Variants in CTTNBP2NL observed in about 807,000 individuals in gnomAD.
The protein encoded by CTTNBP2NL is CTTNBP2 N-terminal-like protein.
CTTNBP2NL carries 16 observed loss-of-function variants against 32.5 expected under a neutral mutation model. The observed-to-expected ratio is 0.49, with a 90% confidence interval of 0.33 to 0.75. CTTNBP2NL has a LOEUF of 0.75. CTTNBP2NL is among the 30% of genes least tolerant of loss of function. The pLI is 0.02. For synonymous variants in CTTNBP2NL, 298 were observed against 289.4 expected, an observed-to-expected ratio of 1.03 and a Z score of -0.30; for missense variants, 645 against 756.0, an observed-to-expected ratio of 0.85 and a Z score of 1.72.
chr1:112,429,938 T>C (rs1219326273), intron 3 of CTTNBP2NL, among the ~76,000 whole-genome samples: 1 of 152,174 alleles, frequency 6.6e-6, no homozygotes, highest in Non-Finnish European at 1.5e-5. Context: ...GGAACTCTTC[T>C]AATAATCTGT....
intron 2 of CTTNBP2NL, among the ~76,000 whole-genome samples, chr1:112,414,296 G>A (rs561558054): frequency 2.0e-5 from 3 of 152,204 alleles, no homozygotes; most frequent in South Asian, 2.1e-4. Context: ...CCTGGGAGAC[G>A]GTGGTTGCAG....
intron 2 of CTTNBP2NL, among the ~76,000 whole-genome samples, chr1:112,413,325 T>C (rs1432002626): frequency 6.6e-6 from 1 of 152,250 alleles, no homozygotes; most frequent in African/African-American, 2.4e-5. Flanking sequence ...ATTTCCGAGG[T>C]CATCGATCTT....
At chr1:112,440,516 A>G (rs1649864077) in intron 3 of CTTNBP2NL, among the ~76,000 whole-genome samples, 1 of 152,180 alleles carries the variant, frequency 6.6e-6, no homozygotes, top group Non-Finnish European at 1.5e-5. Context: ...CAGGGTACAC[A>G]CCTATATTCT....
intron 3 of CTTNBP2NL, among the ~76,000 whole-genome samples, chr1:112,418,991 G>A (rs1280543890): frequency 6.6e-6 from 1 of 152,072 alleles, no homozygotes; most frequent in Non-Finnish European, 1.5e-5. Flanking sequence ...GCATTTATTG[G>A]TATTGCTTTA....
chr1:112,451,785 CACAAA>C (rs1255379187), intron 4 of CTTNBP2NL, among the ~76,000 whole-genome samples: 3 of 33,212 alleles, frequency 9.0e-5, no homozygotes, highest in Non-Finnish European at 3.4e-4. Context: ...AAAAAAAAAA[CACAAA>C]ACAAACAAAC....
At chr1:112,417,722 T>C (rs1649106065) in intron 3 of CTTNBP2NL, among the ~76,000 whole-genome samples, 1 of 152,228 alleles carries the variant, frequency 6.6e-6, no homozygotes, top group Admixed American at 6.5e-5. Context: ...TTAAACAATC[T>C]ATTGTTAGAT....
At chr1:112,417,373 A>G (rs1032458641) in intron 3 of CTTNBP2NL, among the ~76,000 whole-genome samples, 2 of 152,194 alleles carry the variant, frequency 1.3e-5, no homozygotes, top group Non-Finnish European at 2.9e-5. Flanking sequence ...GTGAATTACT[A>G]AATTTTAAAG....
In CTTNBP2NL at chr1:112,406,284, G is replaced by A. The variant is rs116164441; in HGVS notation, c.-133-5910G>A. Among the ~76,000 whole-genome samples, 1,489 of 152,296 alleles carry A rather than the reference G, an allele frequency of 9.8e-3. 36 individuals carry two copies. The highest frequency in any genetic ancestry group is 0.034 in the African/African-American group (1,406 of 41,568). On this transcript the variant is annotated intron_variant, in intron 1 of 5. Transcript: ENST00000271277. ...TCTGTAGAATGAGAGTGCTGAATTAGATTATTGCTGAGGCTCCTTCCAGCT... is the reference window on the plus strand; with the variant it reads ...TCTGTAGAATGAGAGTGCTGAATTAAATTATTGCTGAGGCTCCTTCCAGCT...
intron 3 of CTTNBP2NL, among the ~76,000 whole-genome samples, chr1:112,443,250 A>G (rs952118077): frequency 3.3e-5 from 5 of 151,928 alleles, no homozygotes; most frequent in Non-Finnish European, 5.9e-5. Context: ...GTCTCACTCT[A>G]TCACCGAGGC....
At chr1:112,413,617 T>G (rs1648951682) in intron 2 of CTTNBP2NL, among the ~76,000 whole-genome samples, 1 of 152,116 alleles carries the variant, frequency 6.6e-6, no homozygotes, top group Non-Finnish European at 1.5e-5. Context: ...TCTAATAAAG[T>G]GTAGCTTTAT....
chr1:112,417,309 AC>A (rs1364251103), intron 3 of CTTNBP2NL, among the ~76,000 whole-genome samples: 1 of 152,198 alleles, frequency 6.6e-6, no homozygotes, highest in Non-Finnish European at 1.5e-5. Context: ...AAATGATTGT[AC>A]CATTGTGGTG....
rs987547733 is a variant in CTTNBP2NL, at chr1:112,434,752, C to T, written c.100-14190C>T. ...AAATCTGACCTCTGTAGCCAAATTACGCATTTCCATTCTTCCATAACCTTG... is the reference window on the plus strand; with the variant it reads ...AAATCTGACCTCTGTAGCCAAATTATGCATTTCCATTCTTCCATAACCTTG... On this transcript the variant is annotated intron_variant, in intron 3 of 5. Coordinates refer to ENST00000271277, the MANE Select transcript of CTTNBP2NL (RefSeq NM_018704.3). Among the ~76,000 whole-genome samples, 10 of 152,154 alleles carry T rather than the reference C, an allele frequency of 6.6e-5. No individual in the cohort carries two copies. The East Asian group carries it at 7.7e-4, about 12-fold the overall frequency.
rs186521203 is a variant in CTTNBP2NL, at chr1:112,433,090, T to A, written c.100-15852T>A. On this transcript the variant is annotated intron_variant, in intron 3 of 5. Transcript: ENST00000271277. Reference sequence around the variant, plus strand: ...TATTCCTCTTAAATCTGATATCTTCTGTGACTAGATAAAATGTCCCTTCCT... The same window carrying A: ...TATTCCTCTTAAATCTGATATCTTCAGTGACTAGATAAAATGTCCCTTCCT... 3.3e-5 allele frequency among the ~76,000 whole-genome samples: 5 copies of A among 152,318 alleles called. No homozygotes were observed. The East Asian group carries it at 7.7e-4, about 23-fold the overall frequency.
chr1:112,433,844 G>T (rs1649645514), intron 3 of CTTNBP2NL, among the ~76,000 whole-genome samples: 1 of 150,788 alleles, frequency 6.6e-6, no homozygotes, highest in Non-Finnish European at 1.5e-5. Context: ...ATGATCTGTT[G>T]CTTCTATCTG....
rs1649451213 is a variant in CTTNBP2NL at position 112,427,956 on chromosome 1, A to G, written c.99+11692A>G. The stretch of plus-strand genomic sequence containing the variant: ...GCTACATGAATTGGGTGGTATATCC[A>G]CATGATGGAACATTATGAAGCCATT... On this transcript the variant is annotated intron_variant, in intron 3 of 5. Transcript: ENST00000271277. 2.0e-5 allele frequency among the ~76,000 whole-genome samples: 3 copies of G among 152,156 alleles called. 1 individual carries two copies. The highest frequency in any genetic ancestry group is 4.1e-4 in the South Asian group (2 of 4,826).
intron 3 of CTTNBP2NL, among the ~76,000 whole-genome samples, chr1:112,443,089 T>C (rs561335127): frequency 1.1e-4 from 16 of 152,348 alleles, no homozygotes; most frequent in Admixed American, 3.3e-4. Flanking sequence ...TTGAATAGAA[T>C]TTAGTACACT....
intron 4 of CTTNBP2NL, among the ~76,000 whole-genome samples, chr1:112,450,767 C>CT (rs34309573): frequency 0.52 from 69,154 of 133,842 alleles, 19,217 homozygotes; most frequent in South Asian, 0.71. Context: ...CCTATCTATT[C>CT]TTTTTTTTTT....
At chr1:112,397,259 G>A (rs1473530570) in intron 1 of CTTNBP2NL, among the ~76,000 whole-genome samples, 1 of 152,126 alleles carries the variant, frequency 6.6e-6, no homozygotes, top group African/African-American at 2.4e-5. Context: ...CCCAGTCTAG[G>A]GTGGGCTGGT....
At chr1:112,399,318 CAAAA>C (rs72332884) in intron 1 of CTTNBP2NL, among the ~76,000 whole-genome samples, 3 of 78,022 alleles carry the variant, frequency 3.8e-5, no homozygotes, top group East Asian at 3.7e-4. Flanking sequence ...GACTCTGTCT[CAAAA>C]AAAAAAAAAA....
Sources: gnomAD v4.1 joint callset for allele counts (sites outside exome capture counted in the v4.1 genomes callset) on GRCh38, gnomAD v4.1.1 for gene constraint, MANE v1.5 for transcripts, NCBI Gene and HGNC (gene_info 2026-07-23, HGNC 2026-07-21) for gene names.